The following ATP2B2 variants were observed in gnomAD, a reference collection of about 807,000 sequenced individuals.
ATP2B2 encodes plasma membrane calcium-transporting ATPase 2.
ATP2B2 carries 15 observed loss-of-function variants against 120.0 expected under a neutral mutation model. The ratio of observed to expected loss-of-function variants is 0.12; its 90% confidence interval spans 0.08 to 0.19. The LOEUF (loss-of-function observed/expected upper bound fraction) is 0.19. Ranked by LOEUF, ATP2B2 falls within the 10% of genes least tolerant of loss-of-function variation. The pLI, the probability that ATP2B2 is intolerant of heterozygous loss-of-function variation, is 1.00. For missense variants in ATP2B2, 1,045 were observed against 1,719.8 expected (o/e 0.61, Z 6.94); for synonymous variants, 694 against 700.3 (o/e 0.99, Z 0.14).
At chr3:10,386,033 A>C (rs560870256) in intron 7 of ATP2B2, among the ~76,000 whole-genome samples, 2 of 152,370 alleles carry the variant, frequency 1.3e-5, no homozygotes, top group Admixed American at 1.3e-4. Flanking sequence ...GGCTAAATTC[A>C]CACCTTTTGC....
intron 1 of ATP2B2, among the ~76,000 whole-genome samples, chr3:10,686,746 C>A (rs1239305253): frequency 6.6e-6 from 1 of 152,124 alleles, no homozygotes; most frequent in South Asian, 2.1e-4. Flanking sequence ...CTCAGAATCA[C>A]CCTATTTCAC....
intron 1 of ATP2B2, among the ~76,000 whole-genome samples, chr3:10,637,001 G>T (rs2070039507): frequency 6.6e-6 from 1 of 152,234 alleles, no homozygotes; most frequent in African/African-American, 2.4e-5. Flanking sequence ...GCTGGAAATA[G>T]TGCCTATTGC....
chr3:10,665,961 C>T (rs773766360), intron 1 of ATP2B2, among the ~76,000 whole-genome samples: 4 of 152,158 alleles, frequency 2.6e-5, no homozygotes, highest in Non-Finnish European at 5.9e-5. Context: ...TTAGGGATAT[C>T]CTGAATGCCC....
At chr3:10,617,551 A>G (rs995776729) in intron 2 of ATP2B2, among the ~76,000 whole-genome samples, 2 of 151,656 alleles carry the variant, frequency 1.3e-5, no homozygotes, top group African/African-American at 4.9e-5. Context: ...CAGGTGAAGA[A>G]ACGAAGGCAC....
intron 1 of ATP2B2, among the ~76,000 whole-genome samples, chr3:10,687,734 ACTTGTAATCCCAC>A (rs1489434738): frequency 6.6e-6 from 1 of 152,076 alleles, no homozygotes; most frequent in Non-Finnish European, 1.5e-5. Flanking sequence ...AGTGGTGCAC[ACTTGTAATCCCAC>A]CTACTTGGGA....
intron 2 of ATP2B2, among the ~76,000 whole-genome samples, chr3:10,550,196 T>A (rs572536575): frequency 6.6e-6 from 1 of 152,330 alleles, no homozygotes; most frequent in Non-Finnish European, 1.5e-5. Flanking sequence ...GAGACCAATA[T>A]GAAAGCAATA....
chr3:10,511,552 G>A (rs1453316288), intron 3 of ATP2B2, among the ~76,000 whole-genome samples: 2 of 152,158 alleles, frequency 1.3e-5, no homozygotes, highest in African/African-American at 2.4e-5. Flanking sequence ...TGGCTTAGGA[G>A]TTGCTATTTC....
At chr3:10,341,823 C>T (rs571111039) in intron 19 of ATP2B2, among the ~76,000 whole-genome samples, 340 of 152,340 alleles carry the variant, frequency 2.2e-3, no homozygotes, top group Admixed American at 3.6e-3. Context: ...TTCCTCTAAG[C>T]TTTTTCATGA....
chr3:10,644,774 G>T (rs962561777), intron 1 of ATP2B2, among the ~76,000 whole-genome samples: 2 of 152,188 alleles, frequency 1.3e-5, no homozygotes, highest in Admixed American at 1.3e-4. Context: ...GTTAATGCAG[G>T]TGGGTTTTCT....
At chr3:10,625,173 G>A (rs952614335) in intron 1 of ATP2B2, among the ~76,000 whole-genome samples, 6 of 152,234 alleles carry the variant, frequency 3.9e-5, no homozygotes, top group Non-Finnish European at 8.8e-5. Context: ...GGCTGCACGA[G>A]GCCACCTGCC....
At chr3:10,397,722 G>A (rs752572302) in intron 5 of ATP2B2, among the ~76,000 whole-genome samples, 4 of 152,276 alleles carry the variant, frequency 2.6e-5, no homozygotes, top group Admixed American at 6.5e-5. Context: ...CATGGTGAAT[G>A]TACTCTCAGG....
chr3:10,668,081 G>A (rs2070992946), intron 1 of ATP2B2, among the ~76,000 whole-genome samples: 1 of 152,230 alleles, frequency 6.6e-6, no homozygotes, highest in Non-Finnish European at 1.5e-5. Flanking sequence ...CTGGTGCCGC[G>A]TGACCTTAGG....
intron 2 of ATP2B2, among the ~76,000 whole-genome samples, chr3:10,587,112 G>A (rs777624027): frequency 8.6e-5 from 13 of 152,032 alleles, no homozygotes; most frequent in Non-Finnish European, 1.5e-4. Context: ...TGGGCAACAC[G>A]GCAAAACCCC....
At chr3:10,483,574 A>C (rs984742934) in intron 1 of ATP2B2, among the ~76,000 whole-genome samples, 1 of 152,112 alleles carries the variant, frequency 6.6e-6, no homozygotes, top group African/African-American at 2.4e-5. Flanking sequence ...TGAGCGATCT[A>C]CCTGGAAGCC....
intron 5 of ATP2B2, among the ~76,000 whole-genome samples, chr3:10,389,231 T>C (rs2061774188): frequency 6.6e-6 from 1 of 152,120 alleles, no homozygotes; most frequent in Admixed American, 6.5e-5. Flanking sequence ...TTTTATTTGT[T>C]TTATCTTTGG....
intron 2 of ATP2B2, among the ~76,000 whole-genome samples, chr3:10,585,493 GAAAAAAAAAAA>G: frequency 3.5e-5 from 1 of 28,510 alleles, no homozygotes; most frequent in African/African-American, 1.6e-4. Context: ...GACTCCGTCT[GAAAAAAAAAAA>G]AAAAAAAAAA....
At chr3:10,559,196 T>C (rs1338254912) in intron 2 of ATP2B2, among the ~76,000 whole-genome samples, 3 of 152,162 alleles carry the variant, frequency 2.0e-5, no homozygotes, top group African/African-American at 7.2e-5. Context: ...TTATTTAAGC[T>C]TGGAGTGAGC....
At chr3:10,707,884 C>G (rs1219059760) in intron 1 of ATP2B2, 1 of 152,368 alleles carries the variant, frequency 6.6e-6, no homozygotes, top group Non-Finnish European at 1.5e-5. Context: ...GGAAGAGGCC[C>G]AGAGCCCGGG....
chr3:10,677,515 TACA>T (rs2071275537), intron 1 of ATP2B2, among the ~76,000 whole-genome samples: 1 of 152,158 alleles, frequency 6.6e-6, no homozygotes, highest in Non-Finnish European at 1.5e-5. Flanking sequence ...CCACAGCAAG[TACA>T]ACACTTGCTA....
Sources: gnomAD v4.1 joint callset for allele counts (sites outside exome capture counted in the v4.1 genomes callset) on GRCh38, gnomAD v4.1.1 for gene constraint, MANE v1.5 for transcripts, NCBI Gene and HGNC (gene_info 2026-07-23, HGNC 2026-07-21) for gene names.